Variants in CEP295 observed in about 807,000 individuals in gnomAD.
CEP295 encodes centrosomal protein 295.
CEP295 carries 190 observed loss-of-function variants against 291.6 expected under a neutral mutation model. That is an observed-to-expected ratio of 0.65 (90% CI 0.58 to 0.73). CEP295 has a LOEUF of 0.73. CEP295 is among the 30% of genes least tolerant of loss of function. The pLI is 0.00. For synonymous variants in CEP295, 993 were observed against 1,038.8 expected, an observed-to-expected ratio of 0.96 and a Z score of 0.85; for missense variants, 2,863 against 2,949.4, an observed-to-expected ratio of 0.97 and a Z score of 0.68.
Position 93,723,289 on chromosome 11 carries a change from G to A in CEP295, c.6196G>A (p.Glu2066Lys). ...NLIPEKTDLQ[E>K]LEHIFPNLHH... ...GATACCTGAAAAAACAGATTTGCAA[G>A]GTAAAATTATTTTAAAGCAATACTT... The change falls in exon 21 of 30, where the codon GAA (glutamate) becomes AAA (lysine). Residue 2066 changes from glutamate (E) to lysine (K), a missense_variant and splice_region_variant. By Grantham distance (56) the Glu-to-Lys change is moderately conservative. Transcript: ENST00000325212. The A allele has an allele frequency of 6.7e-7, 1 of 1,483,366 alleles. No homozygotes were observed. The highest frequency in any genetic ancestry group is 1.4e-5 in the African/African-American group (1 of 70,410). 91.9% of individuals were successfully genotyped at this position (1,483,366 alleles called of 1,614,324 possible).
intron 1 of CEP295, among the ~76,000 whole-genome samples, chr11:93,662,639 C>T (rs1439607655): frequency 1.3e-5 from 2 of 152,164 alleles, no homozygotes; most frequent in Non-Finnish European, 2.9e-5. Context: ...TTCCTTACAG[C>T]AGGATTCCGA....
At chr11:93,679,680 A>T (rs1565440510) in intron 7 of CEP295, 128 bp downstream of exon 7, 1 of 693,502 alleles carries the variant, frequency 1.4e-6, no homozygotes, top group African/African-American at 1.8e-5. Context: ...GATTCATATG[A>T]TTTCAAGTTT....
chr11:93,703,708 G>A (rs796257681), intron 17 of CEP295, among the ~76,000 whole-genome samples: 5 of 146,914 alleles, frequency 3.4e-5, no homozygotes, highest in African/African-American at 1.3e-4. Flanking sequence ...TTTATTCACT[G>A]TACTACTTTC....
At chr11:93,669,205 T>C (rs1950320582) in intron 4 of CEP295, among the ~76,000 whole-genome samples, 1 of 152,130 alleles carries the variant, frequency 6.6e-6, no homozygotes, top group African/African-American at 2.4e-5. Flanking sequence ...TCAGAATGCA[T>C]GTCAACCAAT....
rs139280000 is a variant in CEP295, at chr11:93,729,603, T to TC, written c.7400-6dup. On this transcript the variant is annotated splice_polypyrimidine_tract_variant and intron_variant, in intron 26 of 29. Transcript: ENST00000325212. ...GCCTATTTCTGTCATAAATTTCTTTTCCCCCAGCAGAAACCCCTCGCAGGC... is the reference window on the plus strand; with the variant it reads ...GCCTATTTCTGTCATAAATTTCTTTTCCCCCCAGCAGAAACCCCTCGCAGGC... 3.1e-3 allele frequency: 4,735 copies of TC among 1,549,942 alleles called. 121 individuals carry two copies. In the East Asian group the frequency reaches 0.069, roughly 22 times the overall value.
intron 7 of CEP295, among the ~76,000 whole-genome samples, chr11:93,682,845 T>G (rs1042387228): frequency 6.6e-6 from 1 of 152,214 alleles, no homozygotes; most frequent in Non-Finnish European, 1.5e-5. Flanking sequence ...TCCATACTGT[T>G]GTGCTGCAGT....
At position 93,699,744 on chromosome 11, in the gene CEP295, G is replaced by A; in HGVS notation, c.4832G>A (p.Arg1611Lys). 6.4e-7 allele frequency: 1 copy of A among 1,551,914 alleles called. No individual in the cohort carries two copies. The highest frequency in any genetic ancestry group is 1.7e-4 in the Middle Eastern group (1 of 5,994). Residue 1611 changes from arginine to lysine, a missense_variant, in exon 15 of 30, where the codon AGG becomes AAG. Physicochemically the swap from Arg to Lys is conservative, Grantham distance 26 (BLOSUM62 2). Coordinates refer to ENST00000325212, the MANE Select transcript of CEP295 (RefSeq NM_033395.2). ...ATGACAGCACAATTGGATGCACAAA[G>A]GGAAGTGATGTATTCTTATGAGAAA... ...DNMTAQLDAQ[R>K]EVMYSYEKPQ...
chr11:93,727,370 C>A lies in CEP295; in HGVS notation c.6894C>A (p.Leu2298=). The change falls in exon 24 of 30, where the codon CTC becomes CTA. Residue 2298 remains leucine (L), a synonymous_variant. Transcript: ENST00000325212. The part of the protein sequence containing the change: ...GVVTMLQSQG[L]IEDNKNETCR... The stretch of plus-strand genomic sequence containing the variant: ...TTACAATGTTACAAAGTCAAGGACT[C>A]ATTGAAGATAATAAAAATGAAACCT... 2 of 1,551,378 alleles carry A rather than the reference C, an allele frequency of 1.3e-6. No individual in the cohort carries two copies. The highest frequency in any genetic ancestry group is 1.2e-5 in the South Asian group (1 of 84,000).
At chr11:93,675,535 T>C (rs1426073308) in intron 5 of CEP295, 36 bp from the exon 6 acceptor site, 2 of 1,146,350 alleles carry the variant, frequency 1.7e-6, no homozygotes, top group African/African-American at 3.3e-5. Context: ...TGAAAATTAA[T>C]GCTTTTAACC....
intron 9 of CEP295, 132 bp from the exon 10 acceptor site, chr11:93,687,512 A>G (rs1245436341): frequency 1.2e-5 from 7 of 581,508 alleles, no homozygotes; most frequent in East Asian, 1.1e-4. Context: ...ATACTGTTAA[A>G]TCGTAAATAT....
In CEP295 at chr11:93,706,898, G is replaced by C; in HGVS notation, c.5749+1G>C. On this transcript the variant is annotated splice_donor_variant, in intron 18 of 29. Transcript: ENST00000325212. LOFTEE classifies it high-confidence loss of function. Reference sequence around the variant, plus strand: ...TGTGGTGATGACTATGATGAAGCAGGTGAGAAATAAATGGAAAGTGGAATT... The same window carrying C: ...TGTGGTGATGACTATGATGAAGCAGCTGAGAAATAAATGGAAAGTGGAATT... 6.5e-7 allele frequency: 1 copy of C among 1,527,046 alleles called. No homozygotes were observed. Among genetic ancestry groups the C allele is most frequent in the East Asian group, 2.5e-5 (1 of 40,352 alleles). The allele number at this position is 1,527,046 out of a possible 1,614,324, so 94.6% of individuals were successfully genotyped here. A position where few individuals can be genotyped will look rare whatever the true frequency, so the allele number is the denominator to read the frequency against.
intron 6 of CEP295, among the ~76,000 whole-genome samples, chr11:93,676,995 G>T (rs1950726869): frequency 6.6e-6 from 1 of 152,058 alleles, no homozygotes; most frequent in South Asian, 2.1e-4. Context: ...ACTGAATGAA[G>T]ATATGATTTC....
At chr11:93,672,347 A>T (rs1187881478) in intron 5 of CEP295, among the ~76,000 whole-genome samples, 1 of 152,120 alleles carries the variant, frequency 6.6e-6, no homozygotes, top group Non-Finnish European at 1.5e-5. Flanking sequence ...TGCTATGAAG[A>T]CTTCTCATGT....
chr11:93,728,595 A>G (rs1937744193), intron 24 of CEP295, 86 bp from the exon 25 acceptor site: 2 of 1,236,390 alleles, frequency 1.6e-6, no homozygotes, highest in Non-Finnish European at 1.1e-6. Context: ...ATACACTTGC[A>G]AAAAATGTGC....
chr11:93,682,133 CA>C (rs553230788), intron 7 of CEP295, among the ~76,000 whole-genome samples: 2 of 151,192 alleles, frequency 1.3e-5, no homozygotes, highest in Admixed American at 6.6e-5. Context: ...CAGGACATGG[CA>C]AAAAAAATTC....
chr11:93,676,451 C>T (rs543114182), intron 6 of CEP295, among the ~76,000 whole-genome samples: 1 of 151,762 alleles, frequency 6.6e-6, no homozygotes, highest in South Asian at 2.1e-4. Context: ...TATTTCTCTA[C>T]TAGGAAAATA....
At chr11:93,700,335 T>A in intron 15 of CEP295, 149 bp downstream of exon 15, 1 of 737,892 alleles carries the variant, frequency 1.4e-6, no homozygotes, top group Non-Finnish European at 2.2e-6. Flanking sequence ...ATGTGGAAGT[T>A]AAAACAAAAA....
At position 93,721,306 on chromosome 11, in the gene CEP295, T is replaced by C. The variant is rs1488249070; in HGVS notation, c.5750-6T>C. 29 of 1,539,030 alleles carry C rather than the reference T, an allele frequency of 1.9e-5. No individual in the cohort carries two copies. The highest frequency in any genetic ancestry group is 2.5e-5 in the Non-Finnish European group (28 of 1,135,022). Reference sequence around the variant, plus strand: ...CCCATCTTGAACTCCAAAATCCATTTTTCAGTTAAGCTGAAGGAATCTGTT... The same window carrying C: ...CCCATCTTGAACTCCAAAATCCATTCTTCAGTTAAGCTGAAGGAATCTGTT... On this transcript the variant is annotated splice_region_variant and splice_polypyrimidine_tract_variant and intron_variant, in intron 18 of 29. Transcript: ENST00000325212.
In CEP295 at chr11:93,730,329, T is replaced by C; in HGVS notation, c.*60T>C. Reference sequence around the variant, plus strand: ...GTATATGTAGCATTAGACAAAATTATTTAAAGTCAATAAATTGTTATTCGA... The same window carrying C: ...GTATATGTAGCATTAGACAAAATTACTTAAAGTCAATAAATTGTTATTCGA... On this transcript the variant is annotated 3_prime_UTR_variant, in exon 30 of 30. Transcript: ENST00000325212. 2 of 1,178,896 alleles carry C rather than the reference T, an allele frequency of 1.7e-6. No homozygotes were observed. Among genetic ancestry groups the C allele is most frequent in the Non-Finnish European group, 2.5e-6 (2 of 811,338 alleles). 73.0% of individuals were successfully genotyped at this position (1,178,896 alleles called of 1,614,324 possible).
Sources: gnomAD v4.1 joint callset for allele counts (sites outside exome capture counted in the v4.1 genomes callset) on GRCh38, gnomAD v4.1.1 for gene constraint, MANE v1.5 for transcripts, NCBI Gene and HGNC (gene_info 2026-07-23, HGNC 2026-07-21) for gene names.